Variants in ASTN2 observed in about 807,000 individuals in gnomAD.
ASTN2 encodes the protein astrotactin 2, also known as astrotactin-2.
ASTN2 carries 54 observed loss-of-function variants against 139.8 expected under a neutral mutation model. The ratio of observed to expected loss-of-function variants is 0.39; its 90% CI spans 0.31 to 0.48. ASTN2 has a LOEUF of 0.48. ASTN2 is among the 20% of genes least tolerant of loss of function. ASTN2 has a pLI of 0.95. For synonymous variants in ASTN2, 756 were observed against 719.5 expected, an observed-to-expected ratio of 1.05 and a Z score of -0.81; for missense variants, 1,565 against 1,725.1, an observed-to-expected ratio of 0.91 and a Z score of 1.64.
chr9:117,124,892 C>T (rs1256238537), intron 4 of ASTN2, among the ~76,000 whole-genome samples: 2 of 151,618 alleles, frequency 1.3e-5, no homozygotes, highest in African/African-American at 4.8e-5. Context: ...CAAAGTGACA[C>T]AACCTCTCTG....
At chr9:116,586,812 T>TCACACACACACACACACA (rs141414264) in intron 19 of ASTN2, among the ~76,000 whole-genome samples, 8,766 of 79,440 alleles carry the variant, frequency 0.11, 485 homozygotes, top group African/African-American at 0.13. Context: ...CAGTTGAAAT[T>TCACACACACACACACACA]CACACACACA....
chr9:116,478,470 G>A (rs1288481899), intron 20 of ASTN2, among the ~76,000 whole-genome samples: 1 of 152,104 alleles, frequency 6.6e-6, no homozygotes, highest in Non-Finnish European at 1.5e-5. Flanking sequence ...CCTCTGGTCA[G>A]CATGGAAGGT....
chr9:116,632,207 A>G (rs868546873), intron 17 of ASTN2, among the ~76,000 whole-genome samples: 2,194 of 83,926 alleles, frequency 0.026, 68 homozygotes, highest in East Asian at 0.05. Context: ...AAAGAAAGAA[A>G]AGAAAGAAAG....
intron 20 of ASTN2, among the ~76,000 whole-genome samples, chr9:116,484,179 G>A (rs951601866): frequency 2.0e-5 from 3 of 152,208 alleles, no homozygotes; most frequent in Admixed American, 1.3e-4. Flanking sequence ...ACTGAGAAGA[G>A]TCAGGGGAGA....
intron 12 of ASTN2, among the ~76,000 whole-genome samples, chr9:116,812,917 G>T (rs1386224858): frequency 2.6e-5 from 4 of 152,128 alleles, no homozygotes; most frequent in African/African-American, 9.7e-5. Flanking sequence ...CCTTGTAAAG[G>T]AAAATGATCC....
chr9:116,781,293 AC>A (rs1290708715), intron 13 of ASTN2, among the ~76,000 whole-genome samples: 9 of 152,192 alleles, frequency 5.9e-5, no homozygotes, highest in Admixed American at 1.3e-4. Flanking sequence ...GACTATGATA[AC>A]CAAAAAATAA....
intron 2 of ASTN2, among the ~76,000 whole-genome samples, chr9:117,218,032 C>A (rs1832384542): frequency 2.0e-5 from 3 of 152,230 alleles, no homozygotes. Context: ...CTAGCTCCAG[C>A]ATGACTTTAA....
At chr9:116,504,153 C>T (rs1850005730) in intron 19 of ASTN2, 1 of 152,184 alleles carries the variant, frequency 6.6e-6, no homozygotes, top group African/African-American at 2.4e-5. Flanking sequence ...AAATAAAAAT[C>T]ATCTCTTTCT....
chr9:116,550,001 CA>C (rs1393679525), intron 19 of ASTN2, among the ~76,000 whole-genome samples: 1 of 152,202 alleles, frequency 6.6e-6, no homozygotes, highest in Non-Finnish European at 1.5e-5. Context: ...AGGCATCTTT[CA>C]AATCCCACAA....
chr9:117,245,491 T>G (rs1588128360), intron 2 of ASTN2, among the ~76,000 whole-genome samples: 1 of 152,034 alleles, frequency 6.6e-6, no homozygotes, highest in East Asian at 1.9e-4. Flanking sequence ...AGTCCTCAAT[T>G]GTGTGTTTGG....
chr9:116,503,687 A>T (rs565987300), intron 19 of ASTN2, among the ~76,000 whole-genome samples: 1 of 152,276 alleles, frequency 6.6e-6, no homozygotes, highest in South Asian at 2.1e-4. Flanking sequence ...GCACACATAC[A>T]TACTGCAATG....
intron 4 of ASTN2, among the ~76,000 whole-genome samples, chr9:117,129,302 A>G (rs1288153935): frequency 6.7e-6 from 1 of 150,236 alleles, no homozygotes; most frequent in Non-Finnish European, 1.5e-5. Context: ...AAACAAAAAC[A>G]TAAAATCTGC....
chr9:116,536,318 G>A (rs910295406), intron 19 of ASTN2, among the ~76,000 whole-genome samples: 8 of 151,748 alleles, frequency 5.3e-5, no homozygotes, highest in South Asian at 2.1e-4. Flanking sequence ...CCTTTAGCTC[G>A]GAGAAGTTTG....
At chr9:117,359,944 G>A (rs993706762) in intron 1 of ASTN2, among the ~76,000 whole-genome samples, 1 of 152,152 alleles carries the variant, frequency 6.6e-6, no homozygotes, top group African/African-American at 2.4e-5. Flanking sequence ...AAGTCAGATG[G>A]CGGTGAACAT....
At chr9:117,101,378 C>G (rs1441242524) in intron 4 of ASTN2, among the ~76,000 whole-genome samples, 1 of 152,168 alleles carries the variant, frequency 6.6e-6, no homozygotes. Context: ...ATTAGTTACA[C>G]AGGGCTGCTC....
intron 10 of ASTN2, among the ~76,000 whole-genome samples, chr9:116,866,154 G>C (rs955944442): frequency 3.3e-5 from 5 of 152,154 alleles, no homozygotes; most frequent in African/African-American, 1.2e-4. Context: ...AAAGGAAAAG[G>C]CTCAAGATTT....
intron 19 of ASTN2, among the ~76,000 whole-genome samples, chr9:116,603,835 T>C (rs181748161): frequency 1.2e-4 from 18 of 152,160 alleles, no homozygotes; most frequent in African/African-American, 3.6e-4. Flanking sequence ...AGGACAAGAA[T>C]GGCAACAGAT....
intron 10 of ASTN2, among the ~76,000 whole-genome samples, chr9:116,865,634 G>A (rs1432966077): frequency 6.6e-6 from 1 of 151,972 alleles, no homozygotes; most frequent in Non-Finnish European, 1.5e-5. Context: ...TGGTGGGGCT[G>A]CTGTCTGGAA....
At chr9:116,956,398 C>A (rs1442689674) in intron 10 of ASTN2, among the ~76,000 whole-genome samples, 1 of 148,656 alleles carries the variant, frequency 6.7e-6, no homozygotes, top group Non-Finnish European at 1.5e-5. Context: ...TGCGCCCAGC[C>A]AACTATTCAG....
Sources: gnomAD v4.1 joint callset for allele counts (sites outside exome capture counted in the v4.1 genomes callset) on GRCh38, gnomAD v4.1.1 for gene constraint, MANE v1.5 for transcripts, NCBI Gene and HGNC (gene_info 2026-07-23, HGNC 2026-07-21) for gene names.